Variants in RNF222 observed in about 807,000 individuals in gnomAD.
RNF222 encodes the protein RING finger protein LOC643904.
A neutral mutation model predicts 10.8 loss-of-function variants in RNF222; 14 were observed. The ratio of observed to expected loss-of-function variants is 1.30; its 90% confidence interval spans 0.86 to 2.03. RNF222 has a LOEUF of 2.03. Ranked by LOEUF, RNF222 falls within the 30% of genes most tolerant of loss-of-function variation. The pLI is 0.00. For missense variants in RNF222, 298 were observed against 295.8 expected (o/e 1.01, Z -0.06); for synonymous variants, 141 against 142.5 (o/e 0.99, Z 0.07).
At chr17:8,393,539 G>A (rs1027359931) in intron 2 of RNF222, 53 bp from the exon 3 acceptor site, 13 of 1,478,072 alleles carry the variant, frequency 8.8e-6, no homozygotes, top group African/African-American at 4.2e-5. Flanking sequence ...TCCCTCCCCC[G>A]TCCTAACTCC....
rs1236530102 is a variant in RNF222, at chr17:8,391,692, C to T, written c.*1107G>A. ...ATCCCCGAATGACTCAGGCTAGACC[C>T]AACCTGAGGCTCTTCACAGTCCAAC... On this transcript the variant is annotated 3_prime_UTR_variant, in exon 3 of 3. Transcript: ENST00000399398. 6.6e-6 allele frequency: 1 copy of T among 152,220 alleles called. No individual in the cohort carries two copies. The highest frequency in any genetic ancestry group is 1.9e-4 in the East Asian group (1 of 5,196). 9.4% of individuals were successfully genotyped at this position (152,220 alleles called of 1,614,324 possible).
rs1414891897 is a variant in RNF222 at position 8,392,961 on chromosome 17, G to C, written c.501C>G (p.Pro167=). The change falls in exon 3 of 3, where the codon CCC becomes CCG. Residue 167 remains proline, a synonymous_variant. Coordinates refer to ENST00000399398, the MANE Select transcript of RNF222 (RefSeq NM_001146684.3). This position sits in a 1 kb window ranked among gnomAD's most constrained non-coding sequence, Gnocchi z 4.3. The part of the protein sequence containing the change: ...MPLGEQDSVL[P]RRSLAELSEA... ...CCGAGAGCTCTGCCAGGCTGCGGCGGGGCAGCACGCTGTCCTGCTCCCCCA... is the reference window on the plus strand; with the variant it reads ...CCGAGAGCTCTGCCAGGCTGCGGCGCGGCAGCACGCTGTCCTGCTCCCCCA... 13 of 1,516,698 alleles carry C rather than the reference G, an allele frequency of 8.6e-6. No individual in the cohort carries two copies. The highest frequency in any genetic ancestry group is 7.5e-5 in the South Asian group (6 of 80,292). The allele number at this position is 1,516,698 out of a possible 1,614,324, so 94.0% of individuals were successfully genotyped here.
rs759163791 is a variant in RNF222, at chr17:8,391,413, A to G, written c.*1386T>C. The G allele has an allele frequency of 2.0e-5, 3 of 152,028 alleles. No homozygotes were observed. The highest frequency in any genetic ancestry group is 2.9e-5 in the Non-Finnish European group (2 of 68,008). The allele number at this position is 152,028 out of a possible 1,614,324, so 9.4% of individuals were successfully genotyped here. On this transcript the variant is annotated 3_prime_UTR_variant, in exon 3 of 3. Transcript: ENST00000399398. ...CAAATATCCCCTGTAGTGGGGCCCA[A>G]TTCCCCAGCGGTCCCCAAATGACCA...
rs76855425 is a variant in RNF222 at position 8,392,563 on chromosome 17, C to G, written c.*236G>C. On this transcript the variant is annotated 3_prime_UTR_variant, in exon 3 of 3. Transcript: ENST00000399398. The surrounding 1 kb of genome is among the most constrained non-coding windows in gnomAD (Gnocchi z 4.3). ...TCTTCCCAGCCTAGAGGAAGGGGAA[C>G]GCATCTGCTGAGGATTCACGTGGGG... is the stretch of plus-strand genomic sequence containing the variant. The G allele has an allele frequency of 1.8e-6, 1 of 547,258 alleles. No individual in the cohort carries two copies. Among genetic ancestry groups the G allele is most frequent in the Admixed American group, 3.5e-5 (1 of 28,588 alleles). The allele number at this position is 547,258 out of a possible 1,614,324, so 33.9% of individuals were successfully genotyped here.
chr17:8,393,193 A>G lies in RNF222; in HGVS notation c.269T>C (p.Val90Ala). 1 of 1,550,634 alleles carries G rather than the reference A, an allele frequency of 6.4e-7. No homozygotes were observed. The highest frequency in any genetic ancestry group is 8.7e-7 in the Non-Finnish European group (1 of 1,146,940). ...GGGCACGGAGGGCAGGCCCACGGGC[A>G]CAGCCAGCGTCTGGGAGCTCTTGTC... ...MLDKSSQTLAVPVGLPSVPPL... is the reference protein window; with the variant it reads ...MLDKSSQTLAAPVGLPSVPPL... Residue 90 changes from valine to alanine, a missense_variant, in exon 3 of 3, where the codon GTG becomes GCG. Val to Ala is a moderately conservative substitution (Grantham distance 64, BLOSUM62 0). Coordinates refer to ENST00000399398, the MANE Select transcript of RNF222 (RefSeq NM_001146684.3).
In RNF222 at chr17:8,393,057, G is replaced by C. The variant is rs1161011006; in HGVS notation, c.405C>G (p.Leu135=). The C allele has an allele frequency of 6.7e-7, 1 of 1,495,898 alleles. No homozygotes were observed. 92.7% of individuals were successfully genotyped at this position (1,495,898 alleles called of 1,614,324 possible). ...GCAGGCTGGGCAGCAGGTCCAGGGG[G>C]AGCTGGGCGCTCTGGCCCGGGCTGC... ...PPGSPGQSAQ[L]PLDLLPSLPR... is the part of the protein sequence containing the mutation. Residue 135 remains leucine, a synonymous_variant, in exon 3 of 3, where the codon CTC becomes CTG. Transcript: ENST00000399398.
intron 1 of RNF222, among the ~76,000 whole-genome samples, chr17:8,395,270 C>G (rs1908004073): frequency 6.6e-6 from 1 of 152,164 alleles, no homozygotes; most frequent in Non-Finnish European, 1.5e-5. Context: ...CAATGTGGCC[C>G]CCAGGATGGG....
In RNF222 at chr17:8,396,530, A is replaced by G. The variant is rs541645825; in HGVS notation, c.-178+1165T>C. On this transcript the variant is annotated intron_variant, in intron 1 of 2. Coordinates refer to ENST00000399398, the MANE Select transcript of RNF222 (RefSeq NM_001146684.3). ...TGGGCAATCCTTCTCCCTTCCAACA[A>G]TGGCCTCTCTGGGCAATCCTTCCCT... 9.9e-5 allele frequency among the ~76,000 whole-genome samples: 15 copies of G among 151,868 alleles called. No individual in the cohort carries two copies. In the East Asian group the frequency reaches 2.5e-3, roughly 25 times the overall value.
chr17:8,396,666 C>T (rs981521093), intron 1 of RNF222, among the ~76,000 whole-genome samples: 3 of 152,110 alleles, frequency 2.0e-5, no homozygotes, highest in African/African-American at 4.8e-5. Flanking sequence ...TCCCCCGTCC[C>T]GTGCTTCCGG....
rs546965104 is a variant in RNF222, at chr17:8,390,764, G to A, written c.*2035C>T. The A allele has an allele frequency of 1.3e-5, 2 of 152,204 alleles. No individual in the cohort carries two copies. The highest frequency in any genetic ancestry group is 4.8e-5 in the African/African-American group (2 of 41,528). The allele number at this position is 152,204 out of a possible 1,614,324, so 9.4% of individuals were successfully genotyped here. On this transcript the variant is annotated 3_prime_UTR_variant, in exon 3 of 3. Coordinates refer to ENST00000399398, the MANE Select transcript of RNF222 (RefSeq NM_001146684.3). Reference sequence around the variant, plus strand: ...TTTTGGCATTCTCTGACAATAAAAGGAGTTGCAGCTACAGGTCACCATTGA... The same window carrying A: ...TTTTGGCATTCTCTGACAATAAAAGAAGTTGCAGCTACAGGTCACCATTGA...
At chr17:8,396,929 A>G (rs535994189) in intron 1 of RNF222, among the ~76,000 whole-genome samples, 64 of 152,286 alleles carry the variant, frequency 4.2e-4, no homozygotes, top group Non-Finnish European at 7.8e-4. Context: ...GTAAGTGCCA[A>G]AGCATCCCTG....
At position 8,392,803 on chromosome 17, in the gene RNF222, G is replaced by T; in HGVS notation, c.659C>A (p.Ala220Glu). ...GCGGCCTCCCTGAGGTGCGGCTCAC[G>T]CCTGCTTCCTCACCAGCAGCACCCA... The part of the protein sequence containing the change: ...LPWVLLVRKQ[A>E] The change falls in exon 3 of 3, where the codon GCG becomes GAG. Residue 220 changes from alanine to glutamate, a missense_variant. Coordinates refer to ENST00000399398, the MANE Select transcript of RNF222 (RefSeq NM_001146684.3). This position sits in a 1 kb window ranked among gnomAD's most constrained non-coding sequence, Gnocchi z 4.3. The T allele has an allele frequency of 6.5e-7, 1 of 1,530,940 alleles. No homozygotes were observed. 94.8% of individuals were successfully genotyped at this position (1,530,940 alleles called of 1,614,324 possible). A position where few individuals can be genotyped will look rare whatever the true frequency, so the allele number is the denominator to read the frequency against.
At position 8,393,214 on chromosome 17, in the gene RNF222, T is replaced by C. The variant is rs1229912393; in HGVS notation, c.248A>G (p.Lys83Arg). 1.5e-5 allele frequency: 23 copies of C among 1,550,738 alleles called. No homozygotes were observed. The Admixed American group carries it at 4.3e-4, about 29-fold the overall frequency. The part of the protein sequence containing the change: ...KSSRWPSMLD[K>R]SSQTLAVPVG... ...GGGCACAGCCAGCGTCTGGGAGCTC[T>C]TGTCCAGCATGGAGGGCCAGCGGGA... The change falls in exon 3 of 3, where the codon AAG (lysine) becomes AGG (arginine). Residue 83 changes from lysine (K) to arginine (R), a missense_variant. Coordinates refer to ENST00000399398, the MANE Select transcript of RNF222 (RefSeq NM_001146684.3).
intron 1 of RNF222, among the ~76,000 whole-genome samples, chr17:8,396,401 C>T (rs1908038717): frequency 6.6e-6 from 1 of 152,158 alleles, no homozygotes; most frequent in Non-Finnish European, 1.5e-5. Flanking sequence ...TTGAGACGAG[C>T]AGGGAAGGAG....
rs1907922693 is a variant in RNF222, at chr17:8,393,283, A to G, written c.179T>C (p.Val60Ala). ...RVDGQVQRTL[V>A]CPICRYVTFL... ...TGTGACGTAGCGGCAGATGGGGCAGACCAGGGTCCTCTGGACCTGCCCATC... is the reference window on the plus strand; with the variant it reads ...TGTGACGTAGCGGCAGATGGGGCAGGCCAGGGTCCTCTGGACCTGCCCATC... Residue 60 changes from valine to alanine, a missense_variant, in exon 3 of 3, where the codon GTC becomes GCC. Physicochemically the swap from Val to Ala is moderately conservative, Grantham distance 64. Transcript: ENST00000399398. The G allele has an allele frequency of 1.3e-6, 2 of 1,551,296 alleles. No individual in the cohort carries two copies. Among genetic ancestry groups the G allele is most frequent in the Admixed American group, 3.9e-5 (2 of 50,990 alleles).
chr17:8,396,597 A>T (rs373256843), intron 1 of RNF222, among the ~76,000 whole-genome samples: 2 of 151,368 alleles, frequency 1.3e-5, no homozygotes, highest in African/African-American at 4.9e-5. Flanking sequence ...CCCCCTTCCA[A>T]TGATGGCCTC....
In RNF222 at chr17:8,393,064, G is replaced by A. The variant is rs77435097; in HGVS notation, c.398C>T (p.Ala133Val). 8.0e-4 allele frequency: 1,200 copies of A among 1,493,840 alleles called. 5 individuals are homozygous for A. In the African/African-American group the frequency reaches 0.015, roughly 18 times the overall value. 92.5% of individuals were successfully genotyped at this position (1,493,840 alleles called of 1,614,324 possible). ...GGGCAGCAGGTCCAGGGGGAGCTGG[G>A]CGCTCTGGCCCGGGCTGCCTGGCGG... Reference protein sequence around the residue: ...ARPPGSPGQSAQLPLDLLPSL... With the variant: ...ARPPGSPGQSVQLPLDLLPSL... The change falls in exon 3 of 3, where the codon GCC becomes GTC. Residue 133 changes from alanine (A) to valine (V), a missense_variant. By Grantham distance (64) the Ala-to-Val change is moderately conservative. Transcript: ENST00000399398.
Position 8,391,887 on chromosome 17 carries a change from G to C in RNF222, c.*912C>G, listed in dbSNP as rs1346225148. 2 of 152,322 alleles carry C rather than the reference G, an allele frequency of 1.3e-5. No individual in the cohort carries two copies. Among genetic ancestry groups the C allele is most frequent in the Non-Finnish European group, 2.9e-5 (2 of 68,112 alleles). 9.4% of individuals were successfully genotyped at this position (152,322 alleles called of 1,614,324 possible). ...CTAGGAAACTGGCCCAGCTGGTGTG[G>C]CCTCTAAATGAGTGGCTGGGTCATG... On this transcript the variant is annotated 3_prime_UTR_variant, in exon 3 of 3. Transcript: ENST00000399398.
rs1027688822 is a variant in RNF222 at position 8,390,706 on chromosome 17, T to G, written c.*2093A>C. 1 of 152,216 alleles carries G rather than the reference T, an allele frequency of 6.6e-6. No homozygotes were observed. Among genetic ancestry groups the G allele is most frequent in the African/African-American group, 2.4e-5 (1 of 41,448 alleles). 9.4% of individuals were successfully genotyped at this position (152,216 alleles called of 1,614,324 possible). A position where few individuals can be genotyped will look rare whatever the true frequency, so the allele number is the denominator to read the frequency against. On this transcript the variant is annotated 3_prime_UTR_variant, in exon 3 of 3. Transcript: ENST00000399398. Reference sequence around the variant, plus strand: ...TAAATTGCAGAGTCTCTGGAATCTTTGAGAAAATATATACCTTTATTTTAA... The same window carrying G: ...TAAATTGCAGAGTCTCTGGAATCTTGGAGAAAATATATACCTTTATTTTAA...
Sources: gnomAD v4.1 joint callset for allele counts (sites outside exome capture counted in the v4.1 genomes callset) on GRCh38, gnomAD v4.1.1 for gene constraint, Gnocchi (gnomAD v3.1) non-coding constraint, MANE v1.5 for transcripts, NCBI Gene and HGNC (gene_info 2026-07-23, HGNC 2026-07-21) for gene names.